The following PRKAB2 variants were observed in gnomAD, a reference collection of about 807,000 sequenced individuals.
PRKAB2 encodes protein kinase AMP-activated non-catalytic subunit beta 2.
In PRKAB2, 18 loss-of-function variants were observed where a neutral mutation model predicts 29.8. The observed-to-expected ratio is 0.60, with a 90% confidence interval of 0.42 to 0.89. The LOEUF is 0.89. Among genes scored for constraint, PRKAB2 ranks in the 40% least tolerant of loss-of-function variants. PRKAB2 has a pLI of 0.00. For synonymous variants in PRKAB2, 136 were observed against 125.9 expected (o/e 1.08, Z -0.54); for missense variants, 270 against 344.3 (o/e 0.78, Z 1.71).
chr1:147,161,349 G>A (rs1179026481), intron 7 of PRKAB2, among the ~76,000 whole-genome samples: 3 of 151,192 alleles, frequency 2.0e-5, no homozygotes, highest in Non-Finnish European at 4.4e-5. Flanking sequence ...AAAAATGAAA[G>A]CCTTAATATC....
chr1:147,166,726 C>A, intron 4 of PRKAB2, 108 bp from the exon 5 acceptor site: 2 of 1,554,618 alleles, frequency 1.3e-6, no homozygotes, highest in Non-Finnish European at 8.8e-7. Flanking sequence ...AGCACCTCCA[C>A]GTTTTATCAA....
chr1:147,167,915 A>G lies in PRKAB2; in HGVS notation c.175T>C (p.Phe59Leu). 3.7e-6 allele frequency: 6 copies of G among 1,612,602 alleles called. No individual in the cohort carries two copies. The highest frequency in any genetic ancestry group is 5.1e-6 in the Non-Finnish European group (6 of 1,179,426). The change falls in exon 3 of 8, where the codon TTT (phenylalanine) becomes CTT (leucine). Residue 59 changes from phenylalanine to leucine, a missense_variant. Physicochemically the swap from Phe to Leu is conservative, Grantham distance 22. This residue lies in a region of PRKAB2 where 228 missense variants were observed against 255.5 expected (regional missense o/e 0.89). Transcript: ENST00000254101. The part of the protein sequence containing the change: ...PDSKLPGDKE[F>L]VSWQQDLEDS... ...TCCAAATCCTGCTGCCATGATACAA[A>G]CTCTTTGTCCCCAGGGAGCTGTAAG... is the stretch of plus-strand genomic sequence containing the variant.
At chr1:147,162,334 A>C in intron 6 of PRKAB2, 106 bp downstream of exon 6, 1 of 1,196,088 alleles carries the variant, frequency 8.4e-7, no homozygotes, top group Non-Finnish European at 1.2e-6. Flanking sequence ...TATGACTTAT[A>C]ATCTCAACAC....
intron 2 of PRKAB2, among the ~76,000 whole-genome samples, chr1:147,170,036 T>C (rs1400386404): frequency 6.6e-6 from 1 of 152,196 alleles, no homozygotes; most frequent in African/African-American, 2.4e-5. Context: ...ATTTCTGTAG[T>C]AGGAATGAAT....
At chr1:147,159,752 A>G in intron 7 of PRKAB2, 110 bp from the exon 8 acceptor site, 1 of 946,406 alleles carries the variant, frequency 1.1e-6, no homozygotes, top group Non-Finnish European at 1.6e-6. Context: ...ATAGTTTGAT[A>G]TAAGAGCAGG....
chr1:147,171,525 G>A (rs1654584817), intron 2 of PRKAB2, among the ~76,000 whole-genome samples: 1 of 152,192 alleles, frequency 6.6e-6, no homozygotes, highest in African/African-American at 2.4e-5. Flanking sequence ...GCTGCTAGAA[G>A]AGCAAAAATG....
intron 5 of PRKAB2, among the ~76,000 whole-genome samples, chr1:147,164,350 A>C (rs1654126836): frequency 6.6e-6 from 1 of 152,216 alleles, no homozygotes. Flanking sequence ...ACCACGAAGA[A>C]ACGACAAATG....
In PRKAB2 at chr1:147,167,499, C is replaced by T. The variant is rs1654309300; in HGVS notation, c.323+268G>A. 2.0e-5 allele frequency among the ~76,000 whole-genome samples: 3 copies of T among 152,162 alleles called. No homozygotes were observed. In the South Asian group the frequency reaches 6.2e-4, roughly 32 times the overall value. On this transcript the variant is annotated intron_variant, in intron 3 of 7. Transcript: ENST00000254101. ...ACAAAAGACTTCCCACAAGCATAGA[C>T]AGGACTTGTATGACATAGTCCTAAA... is the stretch of plus-strand genomic sequence containing the variant.
chr1:147,171,863 A>T, intron 2 of PRKAB2, 126 bp downstream of exon 2: 1 of 1,252,222 alleles, frequency 8.0e-7, no homozygotes, highest in Non-Finnish European at 1.1e-6. Flanking sequence ...TGTCCCCGAT[A>T]AATCCCTTTA....
chr1:147,172,325 G>C (rs1654699869), intron 1 of PRKAB2, 104 bp downstream of exon 1: 2 of 809,236 alleles, frequency 2.5e-6, no homozygotes, highest in Admixed American at 6.4e-5. Context: ...GGGAACGCCT[G>C]CAAATACCCC....
intron 2 of PRKAB2, among the ~76,000 whole-genome samples, chr1:147,171,636 C>T (rs1553914376): frequency 1.3e-5 from 2 of 152,150 alleles, no homozygotes; most frequent in African/African-American, 4.8e-5. Flanking sequence ...TGCAACCTAC[C>T]CTCTGAAGTT....
intron 5 of PRKAB2, among the ~76,000 whole-genome samples, chr1:147,163,073 T>C (rs1553913270): frequency 6.6e-6 from 1 of 151,732 alleles, no homozygotes; most frequent in African/African-American, 2.4e-5. Flanking sequence ...CAACAATGAT[T>C]GCAACAATAA....
intron 7 of PRKAB2, among the ~76,000 whole-genome samples, chr1:147,160,112 ATTTCCAAG>A (rs1272955290): frequency 2.0e-5 from 3 of 152,162 alleles, no homozygotes; most frequent in Non-Finnish European, 4.4e-5. Flanking sequence ...CTGAAAAACT[ATTTCCAAG>A]TCCCAAAGCA....
chr1:147,166,415 A>T, intron 5 of PRKAB2, 83 bp downstream of exon 5: 3 of 1,412,520 alleles, frequency 2.1e-6, no homozygotes, highest in Non-Finnish European at 2.9e-6. Flanking sequence ...CTCTCCCTCT[A>T]TATGTATATA....
chr1:147,168,042 T>A, intron 2 of PRKAB2, 109 bp from the exon 3 acceptor site: 1 of 1,182,878 alleles, frequency 8.5e-7, no homozygotes. Context: ...GCTAAGGATA[T>A]AAACCCCAAA....
At chr1:147,162,314 T>A in intron 6 of PRKAB2, 126 bp downstream of exon 6, 2 of 915,456 alleles carry the variant, frequency 2.2e-6, no homozygotes, top group Non-Finnish European at 3.1e-6. Flanking sequence ...TGTAATGTTA[T>A]TGGTATGTGT....
intron 5 of PRKAB2, among the ~76,000 whole-genome samples, chr1:147,166,141 C>A (rs587641399): frequency 6.6e-6 from 1 of 152,106 alleles, no homozygotes; most frequent in Non-Finnish European, 1.5e-5. Context: ...CATGTATCGC[C>A]TCTGCTGGGT....
In PRKAB2 at chr1:147,172,091, A is replaced by T. The variant is rs766571816; in HGVS notation, c.54T>A (p.Ala18=). 1.9e-4 allele frequency: 294 copies of T among 1,563,884 alleles called. No homozygotes were observed. The highest frequency in any genetic ancestry group is 2.4e-4 in the Non-Finnish European group (283 of 1,155,204). Residue 18 remains alanine, a synonymous_variant, in exon 2 of 8, where the codon GCT becomes GCA. Coordinates refer to ENST00000254101, the MANE Select transcript of PRKAB2 (RefSeq NM_005399.5). ...GGCCGCCTGCGCCCTCGGAGCGTGC[A>T]GCCTTGGCGCCGTGGCGCTCCCCGG... The part of the protein sequence containing the change: ...RVSGERHGAK[A]ARSEGAGGHA...
chr1:147,158,314 A>G lies in PRKAB2; in HGVS notation c.*1251T>C, dbSNP rs1653774050. ...GATACTTTTCATGGTTGGGAATACT[A>G]GGAATACTCTCTTGCTTCTTGGCCT... On this transcript the variant is annotated 3_prime_UTR_variant, in exon 8 of 8. Transcript: ENST00000254101. The G allele has an allele frequency of 6.6e-6, 1 of 152,292 alleles. No individual in the cohort carries two copies. Among genetic ancestry groups the G allele is most frequent in the East Asian group, 1.9e-4 (1 of 5,186 alleles). 9.4% of individuals were successfully genotyped at this position (152,292 alleles called of 1,614,324 possible). A position where few individuals can be genotyped will look rare whatever the true frequency, so the allele number is the denominator to read the frequency against.
Sources: gnomAD v4.1 joint callset for allele counts (sites outside exome capture counted in the v4.1 genomes callset) on GRCh38, gnomAD v4.1.1 for gene constraint, gnomAD v4.1.1 regional missense constraint, MANE v1.5 for transcripts, NCBI Gene and HGNC (gene_info 2026-07-23, HGNC 2026-07-21) for gene names.